Variants in PPP3CC observed in about 807,000 individuals in gnomAD.
PPP3CC encodes the protein serine/threonine-protein phosphatase 2B catalytic subunit gamma isoform.
A neutral mutation model predicts 60.3 loss-of-function variants in PPP3CC; 35 were observed. The observed-to-expected ratio is 0.58, with a 90% CI of 0.44 to 0.77. PPP3CC has a LOEUF of 0.77. Ranked by LOEUF, PPP3CC falls within the 30% of genes least tolerant of loss-of-function variation. The probability of loss-of-function intolerance (pLI) is 0.00; values close to 1 mark genes in which losing one functional copy is unlikely to be tolerated. For synonymous variants in PPP3CC, 206 were observed against 224.3 expected (o/e 0.92, Z 0.73); for missense variants, 570 against 628.9 (o/e 0.91, Z 1.00).
chr8:22,497,076 C>T (rs1838611169), intron 3 of PPP3CC, among the ~76,000 whole-genome samples: 1 of 152,140 alleles, frequency 6.6e-6, no homozygotes, highest in Non-Finnish European at 1.5e-5. Flanking sequence ...GTTGCCCAGA[C>T]TGGAGTGCAG....
chr8:22,522,520 A>G lies in PPP3CC; in HGVS notation c.800A>G (p.Asn267Ser). 1 of 1,612,166 alleles carries G rather than the reference A, an allele frequency of 6.2e-7. No homozygotes were observed. The highest frequency in any genetic ancestry group is 8.5e-7 in the Non-Finnish European group (1 of 1,179,186). Residue 267 changes from asparagine to serine, a missense_variant, in exon 7 of 14, where the codon AAC becomes AGC. Transcript: ENST00000240139. ...SYPAVCEFLQ[N>S]NNLLSIIRAH... Reference sequence around the variant, plus strand: ...CCTGCAGTTTGTGAATTTTTGCAGAACAATAATTTACTATCAATTATCAGA... The same window carrying G: ...CCTGCAGTTTGTGAATTTTTGCAGAGCAATAATTTACTATCAATTATCAGA...
chr8:22,462,422 G>T (rs117651588), intron 1 of PPP3CC, among the ~76,000 whole-genome samples: 1 of 151,988 alleles, frequency 6.6e-6, no homozygotes, highest in East Asian at 1.9e-4. Context: ...CTGATCATTC[G>T]TCCGCTAAAC....
chr8:22,453,359 A>C (rs908065640), intron 1 of PPP3CC, among the ~76,000 whole-genome samples: 1 of 152,210 alleles, frequency 6.6e-6, no homozygotes, highest in African/African-American at 2.4e-5. Flanking sequence ...ATAGTTGCTT[A>C]ATAATTCGGA....
chr8:22,510,997 A>C, intron 4 of PPP3CC, 89 bp from the exon 5 acceptor site: 55 of 1,316,258 alleles, frequency 4.2e-5, no homozygotes, highest in Non-Finnish European at 5.4e-5. Context: ...AAATGGCTCT[A>C]AAGTAGCTTC....
intron 12 of PPP3CC, among the ~76,000 whole-genome samples, chr8:22,534,146 C>G (rs1363756543): frequency 1.3e-5 from 2 of 148,560 alleles, no homozygotes; most frequent in Admixed American, 6.8e-5. Context: ...TTGCAGCGAG[C>G]CAAGATCACA....
At position 22,514,475 on chromosome 8, in the gene PPP3CC, T is replaced by TA. The variant is rs972060477; in HGVS notation, c.770+1050dup. ...TTCTTCTAAACAACCTTTTTTTCTT[T>TA]AAAAAAATATTTTTTAAAATTTTTG... On this transcript the variant is annotated intron_variant, in intron 6 of 13. Transcript: ENST00000240139. Among the ~76,000 whole-genome samples, 3 of 151,954 alleles carry TA rather than the reference T, an allele frequency of 2.0e-5. No homozygotes were observed. In the South Asian group the frequency reaches 6.2e-4, roughly 32 times the overall value.
chr8:22,537,092 A>G (rs1397137921), intron 12 of PPP3CC, among the ~76,000 whole-genome samples: 1 of 152,256 alleles, frequency 6.6e-6, no homozygotes, highest in Non-Finnish European at 1.5e-5. Flanking sequence ...CTACATCAAA[A>G]TTAAAAACTC....
At chr8:22,481,770 G>C (rs55818839) in intron 3 of PPP3CC, among the ~76,000 whole-genome samples, 3 of 151,848 alleles carry the variant, frequency 2.0e-5, no homozygotes, top group African/African-American at 7.3e-5. Flanking sequence ...CCACTTATGA[G>C]TGAGAACATG....
intron 3 of PPP3CC, among the ~76,000 whole-genome samples, chr8:22,490,751 G>A (rs1838379795): frequency 6.6e-6 from 1 of 152,002 alleles, no homozygotes; most frequent in Admixed American, 6.6e-5. Flanking sequence ...ATGGTTTCCA[G>A]CTTCATCCAT....
intron 6 of PPP3CC, among the ~76,000 whole-genome samples, chr8:22,519,381 A>G (rs1839342808): frequency 1.3e-5 from 2 of 152,220 alleles, no homozygotes; most frequent in Non-Finnish European, 2.9e-5. Context: ...TTGATAGGTA[A>G]GGACTTACTA....
At chr8:22,448,817 TC>T (rs1317249545) in intron 1 of PPP3CC, among the ~76,000 whole-genome samples, 12 of 151,972 alleles carry the variant, frequency 7.9e-5, no homozygotes, top group African/African-American at 2.9e-4. Context: ...TTTAAATTGT[TC>T]AAAAAAAAAT....
At chr8:22,454,155 G>A (rs1197991727) in intron 1 of PPP3CC, among the ~76,000 whole-genome samples, 4 of 152,040 alleles carry the variant, frequency 2.6e-5, no homozygotes, top group Non-Finnish European at 4.4e-5. Flanking sequence ...AACACATATA[G>A]CTGTACATAT....
At chr8:22,505,389 G>T (rs992863313) in intron 4 of PPP3CC, among the ~76,000 whole-genome samples, 5 of 151,980 alleles carry the variant, frequency 3.3e-5, no homozygotes, top group Non-Finnish European at 7.4e-5. Context: ...AGAAACTCCT[G>T]TAATTTTACT....
At chr8:22,531,161 A>T (rs1052424701) in intron 10 of PPP3CC, 2 of 753,442 alleles carry the variant, frequency 2.7e-6, no homozygotes, top group African/African-American at 3.5e-5. Flanking sequence ...GATATCTCTT[A>T]TGAGCTGGTA....
intron 6 of PPP3CC, among the ~76,000 whole-genome samples, chr8:22,516,688 T>C (rs10102011): frequency 0.01 from 1,538 of 152,296 alleles, 30 homozygotes; most frequent in African/African-American, 0.036. Context: ...AGCCCTCATG[T>C]TGTAAACAGG....
At position 22,441,263 on chromosome 8, in the gene PPP3CC, T is replaced by C. The variant is rs554389605; in HGVS notation, c.-147T>C. The stretch of plus-strand genomic sequence containing the variant: ...CGGCGCTGCGGTGGCCGCGCCCTTC[T>C]GGTGCTCGGACACCGCTGAGGAGCC... On this transcript the variant is annotated 5_prime_UTR_variant, in exon 1 of 14. Transcript: ENST00000240139. 2.9e-6 allele frequency: 2 copies of C among 688,536 alleles called. No individual in the cohort carries two copies. The highest frequency in any genetic ancestry group is 6.8e-5 in the East Asian group (2 of 29,336). 42.7% of individuals were successfully genotyped at this position (688,536 alleles called of 1,614,324 possible). A position where few individuals can be genotyped will look rare whatever the true frequency, so the allele number is the denominator to read the frequency against.
chr8:22,467,436 GT>G (rs1325863367), intron 1 of PPP3CC, among the ~76,000 whole-genome samples: 1 of 151,928 alleles, frequency 6.6e-6, no homozygotes, highest in Non-Finnish European at 1.5e-5. Flanking sequence ...TTCAAGATGT[GT>G]TTTTTGTTTG....
At chr8:22,500,230 A>C (rs1838722944) in intron 4 of PPP3CC, among the ~76,000 whole-genome samples, 1 of 152,162 alleles carries the variant, frequency 6.6e-6, no homozygotes, top group Non-Finnish European at 1.5e-5. Context: ...ATAAAAGCAA[A>C]ATTTTACCTG....
At position 22,479,929 on chromosome 8, in the gene PPP3CC, C is replaced by T. The variant is rs966398454; in HGVS notation, c.372+4305C>T. Reference sequence around the variant, plus strand: ...GGTTCTGGAGGGCTGACAAGTTTTACTTAATCTCATGTAATCAATTTATAT... The same window carrying T: ...GGTTCTGGAGGGCTGACAAGTTTTATTTAATCTCATGTAATCAATTTATAT... On this transcript the variant is annotated intron_variant, in intron 3 of 13. Coordinates refer to ENST00000240139, the MANE Select transcript of PPP3CC (RefSeq NM_005605.5). 3.3e-5 allele frequency among the ~76,000 whole-genome samples: 5 copies of T among 152,230 alleles called. 1 individual carries two copies. The South Asian group carries it at 1.0e-3, about 32-fold the overall frequency.
Sources: gnomAD v4.1 joint callset for allele counts (sites outside exome capture counted in the v4.1 genomes callset) on GRCh38, gnomAD v4.1.1 for gene constraint, MANE v1.5 for transcripts, NCBI Gene and HGNC (gene_info 2026-07-23, HGNC 2026-07-21) for gene names.